ATG7: variants seen among roughly 807,000 people sequenced by gnomAD.
ATG7 encodes the protein autophagy related 7.
A neutral mutation model predicts 82.4 loss-of-function variants in ATG7; 70 were observed. The observed-to-expected ratio is 0.85, with a 90% CI of 0.70 to 1.04. The LOEUF (loss-of-function observed/expected upper bound fraction) is 1.04, where lower values mean the gene tolerates loss of function less well. ATG7 is among the 50% of genes least tolerant of loss of function. The probability of loss-of-function intolerance (pLI) is 0.00; values close to 1 mark genes in which losing one functional copy is unlikely to be tolerated. For missense variants in ATG7, 792 were observed against 864.3 expected (o/e 0.92, Z 1.05); for synonymous variants, 287 against 313.0 (o/e 0.92, Z 0.88).
At chr3:11,359,468 G>A (rs2076147488) in intron 15 of ATG7, among the ~76,000 whole-genome samples, 1 of 152,072 alleles carries the variant, frequency 6.6e-6, no homozygotes, top group African/African-American at 2.4e-5. Flanking sequence ...TAGCACTTTG[G>A]GAGGATTGCT....
intron 20 of ATG7, chr3:11,477,388 A>G (rs1204574239): frequency 6.6e-6 from 6 of 907,268 alleles, no homozygotes; most frequent in Non-Finnish European, 7.0e-6. Flanking sequence ...GAAATGCTAA[A>G]TGGATAGAAG....
intron 19 of ATG7, among the ~76,000 whole-genome samples, chr3:11,399,648 C>T (rs1037232823): frequency 2.6e-5 from 4 of 152,040 alleles, no homozygotes; most frequent in African/African-American, 9.7e-5. Context: ...AATCTCGGCT[C>T]ACTGCAACCT....
At position 11,487,041 on chromosome 3, in the gene ATG7, C is replaced by G. The variant is rs904979115; in HGVS notation, c.2079+60115C>G. Among the ~76,000 whole-genome samples, 48 of 151,332 alleles carry G rather than the reference C, an allele frequency of 3.2e-4. 1 individual carries two copies. The highest frequency in any genetic ancestry group is 3.1e-3 in the East Asian group (16 of 5,106). On this transcript the variant is annotated intron_variant, in intron 20 of 20. Transcript: ENST00000693202. ...ATGAGGGATTGGTGATGACTCTTAA[C>G]GAGCATGCTGCCTTCAAGCATCTGT... is the stretch of plus-strand genomic sequence containing the variant.
chr3:11,546,977 C>T (rs1389431448), intron 20 of ATG7, among the ~76,000 whole-genome samples: 3 of 152,224 alleles, frequency 2.0e-5, no homozygotes, highest in Admixed American at 6.5e-5. Context: ...AAGGTGGGGA[C>T]TTGGGAGCCA....
chr3:11,498,869 G>C lies in ATG7; in HGVS notation c.2080-55942G>C, dbSNP rs2091084635. Among the ~76,000 whole-genome samples the C allele has an allele frequency of 3.9e-5, 6 of 152,306 alleles. No homozygotes were observed. In the South Asian group the frequency reaches 1.2e-3, roughly 32 times the overall value. On this transcript the variant is annotated intron_variant, in intron 20 of 20. Coordinates refer to ENST00000693202, the MANE Select transcript of ATG7 (RefSeq NM_001349232.2). ...CCTGAAATGGCTGCCGATCCTAGGA[G>C]AGTGTATGAGCCAAACTGTTCACAT...
In ATG7 at chr3:11,354,650, CAAAAAAAA is replaced by C. The variant is rs5846706; in HGVS notation, c.1285-3750_1285-3743del. On this transcript the variant is annotated intron_variant, in intron 14 of 20. Coordinates refer to ENST00000693202, the MANE Select transcript of ATG7 (RefSeq NM_001349232.2). ...GTCACAGAGTGAGACTCCATCTCAC[CAAAAAAAA>C]AAAAAAAAAAAAAAAAAGATGTTGG... Among the ~76,000 whole-genome samples the C allele has an allele frequency of 7.1e-3, 441 of 62,008 alleles. 4 individuals carry two copies. Among genetic ancestry groups the C allele is most frequent in the African/African-American group, 0.026 (412 of 16,130 alleles). The allele number at this position is 62,008 out of a possible 152,430, so 40.7% of individuals were successfully genotyped here.
chr3:11,575,592 T>A, the ATG7 span, among the ~76,000 whole-genome samples: 1 of 152,184 alleles, frequency 6.6e-6, no homozygotes, highest in Non-Finnish European at 1.5e-5. Context: ...AACCACAGTG[T>A]GCACTTACCC....
chr3:11,517,443 G>A (rs930627212), intron 20 of ATG7, among the ~76,000 whole-genome samples: 4 of 152,132 alleles, frequency 2.6e-5, no homozygotes, highest in Non-Finnish European at 5.9e-5. Flanking sequence ...GTAATGCACA[G>A]AGGATTTTTG....
intron 5 of ATG7, among the ~76,000 whole-genome samples, chr3:11,300,408 A>G (rs1946609767): frequency 6.6e-6 from 1 of 152,170 alleles, no homozygotes; most frequent in African/African-American, 2.4e-5. Context: ...AGAGAAAAAA[A>G]TGTATTTATA....
downstream of ATG7, among the ~76,000 whole-genome samples, chr3:11,560,196 A>G (rs535421799): frequency 5.5e-4 from 84 of 152,278 alleles, 1 homozygote; most frequent in African/African-American, 1.9e-3. Context: ...ACCAAGATTC[A>G]GCAAGTGCAT....
chr3:11,481,329 T>C (rs1407744271), intron 20 of ATG7, among the ~76,000 whole-genome samples: 2 of 152,242 alleles, frequency 1.3e-5, no homozygotes, highest in Non-Finnish European at 2.9e-5. Flanking sequence ...TTGTTAGATA[T>C]ATTTTACGAT....
In ATG7 at chr3:11,356,108, T is replaced by G. The variant is rs1482942822; in HGVS notation, c.1285-2310T>G. On this transcript the variant is annotated intron_variant, in intron 14 of 20. Transcript: ENST00000693202. ...TGTGATATGTTCTAGAATAGTCTAATCTATGGCTTATGAAGTCAGATCAGT... is the reference window on the plus strand; with the variant it reads ...TGTGATATGTTCTAGAATAGTCTAAGCTATGGCTTATGAAGTCAGATCAGT... Among the ~76,000 whole-genome samples the G allele has an allele frequency of 3.3e-5, 5 of 152,318 alleles. 1 individual carries two copies. The highest frequency in any genetic ancestry group is 1.2e-4 in the African/African-American group (5 of 41,570).
chr3:11,411,828 TCTA>T (rs927306522), intron 19 of ATG7, among the ~76,000 whole-genome samples: 34 of 152,122 alleles, frequency 2.2e-4, no homozygotes, highest in African/African-American at 8.2e-4. Context: ...TGTGTTTTCT[TCTA>T]AAAGTTTTAT....
At chr3:11,527,037 A>G (rs58529922) in intron 20 of ATG7, among the ~76,000 whole-genome samples, 5,633 of 119,712 alleles carry the variant, frequency 0.047, 346 homozygotes, top group African/African-American at 0.15. Flanking sequence ...GTGTGTGTGT[A>G]TATATGTGTG....
chr3:11,276,248 G>A (rs1941772467), intron 1 of ATG7, among the ~76,000 whole-genome samples: 1 of 152,084 alleles, frequency 6.6e-6, no homozygotes, highest in African/African-American at 2.4e-5. Context: ...CTGATCTTTA[G>A]CTGACCCTAT....
At chr3:11,537,412 C>T (rs1416002846) in intron 20 of ATG7, among the ~76,000 whole-genome samples, 5 of 152,172 alleles carry the variant, frequency 3.3e-5, no homozygotes, top group Non-Finnish European at 7.3e-5. Flanking sequence ...CAGGGACGGA[C>T]GCACCTGTCC....
chr3:11,406,256 C>T (rs763855183), intron 19 of ATG7, among the ~76,000 whole-genome samples: 1 of 152,154 alleles, frequency 6.6e-6, no homozygotes, highest in African/African-American at 2.4e-5. Flanking sequence ...TCTCAAAGTG[C>T]TGGGATCACA....
At chr3:11,484,545 T>G (rs1164761656) in intron 20 of ATG7, among the ~76,000 whole-genome samples, 1 of 152,132 alleles carries the variant, frequency 6.6e-6, no homozygotes, top group Non-Finnish European at 1.5e-5. Context: ...TATTTTCTTT[T>G]TCTTTTATTT....
chr3:11,511,596 A>G (rs529789658), intron 20 of ATG7, among the ~76,000 whole-genome samples: 53 of 152,276 alleles, frequency 3.5e-4, no homozygotes, highest in African/African-American at 9.4e-4. Flanking sequence ...CTGTGCGCTC[A>G]CACTCCTCAG....
Sources: allele counts gnomAD v4.1 joint callset (sites outside exome capture counted in the v4.1 genomes callset), GRCh38; gene constraint gnomAD v4.1.1; transcripts MANE v1.5; gene names NCBI Gene and HGNC (gene_info 2026-07-23, HGNC 2026-07-21).